ABCC6: variants seen among roughly 807,000 people sequenced by gnomAD.
The protein encoded by ABCC6 is ATP-binding cassette sub-family C member 6.
ABCC6 carries 126 observed loss-of-function variants against 169.5 expected under a neutral mutation model. The ratio of observed to expected loss-of-function variants is 0.74; its 90% CI spans 0.64 to 0.86. ABCC6 has a LOEUF of 0.86. ABCC6 is among the 40% of genes least tolerant of loss of function. The pLI is 0.00. For synonymous variants in ABCC6, 752 were observed against 814.7 expected, an observed-to-expected ratio of 0.92 and a Z score of 1.31; for missense variants, 1,733 against 1,927.2, an observed-to-expected ratio of 0.90 and a Z score of 1.89.
chr16:16,172,981 G>A (rs2152242705), intron 21 of ABCC6: 2 of 427,902 alleles, frequency 4.7e-6, no homozygotes, highest in South Asian at 4.6e-5. Flanking sequence ...GGTCGAGGCT[G>A]CAGTGAGCTA....
chr16:16,174,764 C>CCCCCCCCA (rs1272789705), intron 20 of ABCC6, among the ~76,000 whole-genome samples: 1 of 121,996 alleles, frequency 8.2e-6, no homozygotes, highest in South Asian at 4.3e-4. Context: ...CTCAAAACCC[C>CCCCCCCCA]CCCCCGCAAA....
chr16:16,190,285 C>A lies in ABCC6; in HGVS notation c.1514G>T (p.Gly505Val). Residue 505 changes from glycine (G) to valine (V), a missense_variant, in exon 12 of 31, where the codon GGC becomes GTC. Gly to Val is a moderately radical substitution (Grantham distance 109). This residue lies in a region of ABCC6 where 1,601 missense variants were observed against 1,635.5 expected (regional missense o/e 0.98). Transcript: ENST00000205557. ...TCTGTCCAGAAAGGCTCCCTCCCAG[C>A]CATGGAACTTGATGGTCTTCGAGTT... ...LRNSKTIKFH[G>V]WEGAFLDRVL... is the part of the protein sequence containing the mutation. The A allele has an allele frequency of 6.2e-7, 1 of 1,614,144 alleles. No individual in the cohort carries two copies. The highest frequency in any genetic ancestry group is 1.1e-5 in the South Asian group (1 of 91,070).
At chr16:16,207,466 G>A (rs770934255) in intron 7 of ABCC6, among the ~76,000 whole-genome samples, 56 of 152,166 alleles carry the variant, frequency 3.7e-4, no homozygotes, top group Non-Finnish European at 7.2e-4. Flanking sequence ...GGAGATGAAA[G>A]GAGAGAATCC....
rs780887287 is a variant in ABCC6 at position 16,154,961 on chromosome 16, G to C, written c.3953C>G (p.Ala1318Gly). The C allele has an allele frequency of 1.3e-6, 2 of 1,582,640 alleles. No individual in the cohort carries two copies. The highest frequency in any genetic ancestry group is 1.7e-6 in the Non-Finnish European group (2 of 1,164,748). The change falls in exon 28 of 31, where the codon GCA (alanine) becomes GGA (glycine). Residue 1318 changes from alanine to glycine, a missense_variant. Physicochemically the swap from Ala to Gly is moderately conservative, Grantham distance 60. This residue lies in a region of ABCC6 where 1,601 missense variants were observed against 1,635.5 expected (regional missense o/e 0.98). Transcript: ENST00000205557. ...GTCGATCCAGATCCCACCCTCAGCTGCCTCCTGGAGCCGCAGCAGCCCACT... is the reference window on the plus strand; with the variant it reads ...GTCGATCCAGATCCCACCCTCAGCTCCCTCCTGGAGCCGCAGCAGCCCACT... ...LASGLLRLQE[A>G]AEGGIWIDGV...
chr16:16,156,645 T>C lies in ABCC6; in HGVS notation c.3882+1018A>G, dbSNP rs141966493. Among the ~76,000 whole-genome samples the C allele has an allele frequency of 2.6e-5, 4 of 152,250 alleles. No individual in the cohort carries two copies. In the East Asian group the frequency reaches 7.7e-4, roughly 29 times the overall value. On this transcript the variant is annotated intron_variant, in intron 27 of 30. Coordinates refer to ENST00000205557, the MANE Select transcript of ABCC6 (RefSeq NM_001171.6). The stretch of plus-strand genomic sequence containing the variant: ...GGGGAATGACATGCAGTGTCATTCA[T>C]GCTGATAAAGGTCACAGGATGGCTG...
intron 25 of ABCC6, among the ~76,000 whole-genome samples, chr16:16,160,701 G>A (rs934407540): frequency 1.3e-5 from 2 of 150,322 alleles, no homozygotes; most frequent in South Asian, 2.1e-4. Context: ...AGCTAATTGG[G>A]AAAGTGAGGT....
At chr16:16,191,562 C>A (rs2047854312) in intron 11 of ABCC6, among the ~76,000 whole-genome samples, 1 of 151,684 alleles carries the variant, frequency 6.6e-6, no homozygotes, top group Admixed American at 6.6e-5. Context: ...TCCCCCATCT[C>A]TCCCTCTCTC....
At position 16,157,744 on chromosome 16, in the gene ABCC6, G is replaced by A. The variant is rs1204551619; in HGVS notation, c.3801C>T (p.Phe1267=). The A allele has an allele frequency of 1.2e-6, 2 of 1,613,934 alleles. No individual in the cohort carries two copies. The highest frequency in any genetic ancestry group is 1.7e-6 in the Non-Finnish European group (2 of 1,179,970). Residue 1267 remains phenylalanine, a synonymous_variant, in exon 27 of 31, where the codon TTC becomes TTT. Transcript: ENST00000205557. The part of the protein sequence containing the change: ...PPWPQGGQIE[F]RDFGLRYRPE... Reference sequence around the variant, plus strand: ...GTCGGTATCTTAGCCCAAAGTCCCGGAACTCGATCTGCCCGCCCTGAGGCC... The same window carrying A: ...GTCGGTATCTTAGCCCAAAGTCCCGAAACTCGATCTGCCCGCCCTGAGGCC...
Position 16,149,946 on chromosome 16 carries a change from G to T in ABCC6, c.*187C>A. On this transcript the variant is annotated 3_prime_UTR_variant, in exon 31 of 31. Transcript: ENST00000205557. ...CCCTGCCCGGGCAGACCTGTGTATT[G>T]CTAGGTCCTTCCGGCTCTGATGCTC... 1 of 876,242 alleles carries T rather than the reference G, an allele frequency of 1.1e-6. No homozygotes were observed. The allele number at this position is 876,242 out of a possible 1,614,324, so 54.3% of individuals were successfully genotyped here. A position where few individuals can be genotyped will look rare whatever the true frequency, so the allele number is the denominator to read the frequency against.
At chr16:16,158,967 C>T (rs142098362) in intron 26 of ABCC6, among the ~76,000 whole-genome samples, 9 of 151,906 alleles carry the variant, frequency 5.9e-5, no homozygotes, top group East Asian at 1.9e-4. Context: ...GTTGCTATTA[C>T]GTTACTATTA....
Position 16,175,973 on chromosome 16 carries a change from C to T in ABCC6, c.2604G>A (p.Gly868=), listed in dbSNP as rs1216172172. 1.2e-6 allele frequency: 2 copies of T among 1,613,968 alleles called. No homozygotes were observed. Among genetic ancestry groups the T allele is most frequent in the Non-Finnish European group, 1.7e-6 (2 of 1,180,032 alleles). Residue 868 remains glycine, a synonymous_variant, in exon 20 of 31, where the codon GGG becomes GGA. Transcript: ENST00000205557. The part of the protein sequence containing the change: ...GDRGEGETEP[G]TSTKDPRGTS... ...TGCCTCTGGGGTCCTTGGTGCTGGT[C>T]CCAGGTTCTGTTTCTGCAAGGTCAA...
At chr16:16,173,931 C>T (rs972806077) in intron 20 of ABCC6, among the ~76,000 whole-genome samples, 14 of 152,184 alleles carry the variant, frequency 9.2e-5, no homozygotes, top group Admixed American at 5.9e-4. Context: ...ATAAATTATG[C>T]ACAATTCAGA....
chr16:16,170,940 AAGAAAGAAAGAAAGAAAG>A (rs2047044297), intron 21 of ABCC6, among the ~76,000 whole-genome samples: 3 of 86,090 alleles, frequency 3.5e-5, no homozygotes, highest in African/African-American at 4.4e-5. Context: ...AAAAAAAAAA[AAGAAAGAAAGAAAGAAAG>A]AAAGAAAGAA....
chr16:16,196,346 T>G (rs2048038316), intron 10 of ABCC6, among the ~76,000 whole-genome samples: 1 of 152,234 alleles, frequency 6.6e-6, no homozygotes, highest in Non-Finnish European at 1.5e-5. Flanking sequence ...TACAGCCACT[T>G]CTGCACTCCA....
chr16:16,209,949 T>C (rs2048543622), intron 6 of ABCC6, among the ~76,000 whole-genome samples: 1 of 151,996 alleles, frequency 6.6e-6, no homozygotes, highest in Non-Finnish European at 1.5e-5. Flanking sequence ...CAGGCTGGTC[T>C]CGAACTCCCG....
chr16:16,182,634 G>T lies in ABCC6; in HGVS notation c.2071-46C>A. 1.9e-6 allele frequency: 3 copies of T among 1,604,102 alleles called. No individual in the cohort carries two copies. In the African/African-American group the frequency reaches 4.0e-5, roughly 21 times the overall value. On this transcript the variant is annotated intron_variant, in intron 16 of 30. Coordinates refer to ENST00000205557, the MANE Select transcript of ABCC6 (RefSeq NM_001171.6). ...GTCACAGGAGGATGATGGGGACAGA[G>T]GTGGGATAGGTTTTGAGGAGCAGTG... is the stretch of plus-strand genomic sequence containing the variant.
At chr16:16,162,503 A>T (rs1157619901) in intron 24 of ABCC6, among the ~76,000 whole-genome samples, 1 of 152,234 alleles carries the variant, frequency 6.6e-6, no homozygotes, top group Non-Finnish European at 1.5e-5. Context: ...TGCAGTAAGC[A>T]TGTTACAGGT....
intron 17 of ABCC6, 74 bp from the exon 18 acceptor site, chr16:16,179,039 G>T (rs2047384762): frequency 1.3e-6 from 2 of 1,525,820 alleles, no homozygotes; most frequent in South Asian, 1.2e-5. Flanking sequence ...GCTGTGGCAG[G>T]TCAGGGCACA....
At chr16:16,221,306 G>A in intron 2 of ABCC6, 2 of 1,346,124 alleles carry the variant, frequency 1.5e-6, no homozygotes, top group East Asian at 2.8e-5. Flanking sequence ...CTTTTTAAAA[G>A]GTTCATCCTA....
Sources: allele counts gnomAD v4.1 joint callset (sites outside exome capture counted in the v4.1 genomes callset), GRCh38; gene constraint gnomAD v4.1.1; regional missense constraint gnomAD v4.1.1; transcripts MANE v1.5; gene names NCBI Gene and HGNC (gene_info 2026-07-23, HGNC 2026-07-21).